The following SRRM2 variants were observed in gnomAD, a reference collection of about 807,000 sequenced individuals.
SRRM2 encodes serine/arginine repetitive matrix protein 2.
In SRRM2, 30 loss-of-function variants were observed where a neutral mutation model predicts 213.8. The observed-to-expected ratio is 0.14, with a 90% CI of 0.10 to 0.19. The LOEUF is 0.19. Among genes scored for constraint, SRRM2 ranks in the 10% least tolerant of loss-of-function variants. SRRM2 has a pLI of 1.00. For missense variants in SRRM2, 4,904 were observed against 3,647.0 expected, an observed-to-expected ratio of 1.34 and a Z score of -8.88; for synonymous variants, 2,025 against 1,377.7, an observed-to-expected ratio of 1.47 and a Z score of -10.40.
Position 2,766,289 on chromosome 16 carries a change from A to C in SRRM2, c.5761A>C (p.Arg1921=), listed in dbSNP as rs759653883. The change falls in exon 11 of 15, where the codon AGG becomes CGG. Residue 1921 remains arginine, a synonymous_variant. Coordinates refer to ENST00000301740, the MANE Select transcript of SRRM2 (RefSeq NM_016333.4). The surrounding 1 kb of genome is among the most constrained non-coding windows in gnomAD (Gnocchi z 7.0). The part of the protein sequence containing the change: ...SRSRASPVSR[R]RSRSRTPPVT... ...GTCAAGAGCATCCCCAGTGAGCAGA[A>C]GGCGATCCAGATCCAGAACGCCACC... is the stretch of plus-strand genomic sequence containing the variant. 3 of 1,614,040 alleles carry C rather than the reference A, an allele frequency of 1.9e-6. No homozygotes were observed. The highest frequency in any genetic ancestry group is 2.5e-6 in the Non-Finnish European group (3 of 1,180,022).
rs928223328 is a variant in SRRM2, at chr16:2,769,346, C to T, written c.8021+62C>T. 4.0e-6 allele frequency: 6 copies of T among 1,510,774 alleles called. No individual in the cohort carries two copies. The African/African-American group carries it at 5.6e-5, about 14-fold the overall frequency. The allele number at this position is 1,510,774 out of a possible 1,614,324, so 93.6% of individuals were successfully genotyped here. ...GGGAGTGACTTGTCCAGAGAAGGGG[C>T]CCTGGGGTGTGAGCTCCCCGCTGGG... is the stretch of plus-strand genomic sequence containing the variant. On this transcript the variant is annotated intron_variant, in intron 12 of 14. Coordinates refer to ENST00000301740, the MANE Select transcript of SRRM2 (RefSeq NM_016333.4).
At position 2,765,265 on chromosome 16, in the gene SRRM2, T is replaced by C. The variant is rs751981732; in HGVS notation, c.4737T>C (p.Ser1579=). Residue 1579 remains serine, a synonymous_variant, in exon 11 of 15, where the codon TCT becomes TCC. Transcript: ENST00000301740. ...CCCCACTTCGGCAGAGGAGTCGGTC[T>C]GGATCATCTCCAGAGGTTGACAGCA... The part of the protein sequence containing the change: ...TRTPLRQRSR[S]GSSPEVDSKS... The C allele has an allele frequency of 1.2e-6, 2 of 1,613,954 alleles. No individual in the cohort carries two copies. Among genetic ancestry groups the C allele is most frequent in the Admixed American group, 3.3e-5 (2 of 60,010 alleles).
chr16:2,769,603 C>T (rs956623168), intron 12 of SRRM2: 2 of 617,634 alleles, frequency 3.2e-6, no homozygotes, highest in Admixed American at 2.1e-5. Context: ...TGGCCACCAT[C>T]ATCTTCTCCC....
At chr16:2,769,635 C>T (rs1284390721) in intron 12 of SRRM2, 1 of 574,042 alleles carries the variant, frequency 1.7e-6, no homozygotes, top group Non-Finnish European at 3.3e-6. Context: ...CAGCCTCCTC[C>T]CTGTCTCCCC....
In SRRM2 at chr16:2,764,382, A is replaced by T; in HGVS notation, c.3854A>T (p.Asp1285Val). The T allele has an allele frequency of 6.2e-7, 1 of 1,614,116 alleles. No individual in the cohort carries two copies. The highest frequency in any genetic ancestry group is 8.5e-7 in the Non-Finnish European group (1 of 1,180,024). Residue 1285 changes from aspartate (D) to valine (V), a missense_variant, in exon 11 of 15, where the codon GAT becomes GTT. Physicochemically the swap from Asp to Val is radical, Grantham distance 152 (BLOSUM62 -3). Transcript: ENST00000301740. ...EERPAVSLTL[D>V]QSQSQASLEA... ...AGGCCTGCTGTGTCTTTGACTCTTG[A>T]TCAGAGCCAGTCACAGGCTTCTTTG...
Position 2,756,327 on chromosome 16 carries a change from C to T in SRRM2, c.-31-7C>T. On this transcript the variant is annotated splice_polypyrimidine_tract_variant and splice_region_variant and intron_variant, in intron 1 of 14. Coordinates refer to ENST00000301740, the MANE Select transcript of SRRM2 (RefSeq NM_016333.4). ...GGCCTGACCCGTGTCTCCCCGCTCC[C>T]CCTCAGGAGCGGTGGTGCCCCCCCC... The T allele has an allele frequency of 6.4e-7, 1 of 1,556,016 alleles. No homozygotes were observed. Among genetic ancestry groups the T allele is most frequent in the East Asian group, 2.3e-5 (1 of 43,200 alleles).
Position 2,766,927 on chromosome 16 carries a change from T to C in SRRM2, c.6399T>C (p.Pro2133=). 1.2e-6 allele frequency: 2 copies of C among 1,614,120 alleles called. No individual in the cohort carries two copies. The highest frequency in any genetic ancestry group is 1.1e-5 in the South Asian group (1 of 91,088). The part of the protein sequence containing the change: ...SPTPLDRCRS[P]GMLEPLGSSR... ...CACCTCTTGATCGCTGCAGATCACC[T>C]GGAATGCTTGAACCCCTTGGCAGCT... is the stretch of plus-strand genomic sequence containing the variant. The change falls in exon 11 of 15, where the codon CCT becomes CCC. Residue 2133 remains proline (P), a synonymous_variant. Coordinates refer to ENST00000301740, the MANE Select transcript of SRRM2 (RefSeq NM_016333.4). The surrounding 1 kb of genome is among the most constrained non-coding windows in gnomAD (Gnocchi z 7.0).
chr16:2,763,719 C>T lies in SRRM2; in HGVS notation c.3191C>T (p.Ser1064Leu), dbSNP rs771252293. 1.1e-5 allele frequency: 17 copies of T among 1,614,070 alleles called. No individual in the cohort carries two copies. The highest frequency in any genetic ancestry group is 1.4e-5 in the Non-Finnish European group (16 of 1,180,048). Residue 1064 changes from serine to leucine, a missense_variant, in exon 11 of 15, where the codon TCA (serine) becomes TTA (leucine). Transcript: ENST00000301740. ...SLQLKGQSQTSPDHRSDTSSP... is the reference protein window; with the variant it reads ...SLQLKGQSQTLPDHRSDTSSP... The stretch of plus-strand genomic sequence containing the variant: ...CAACTGAAAGGACAATCTCAAACTT[C>T]ACCAGACCACAGATCTGATACTTCA...
chr16:2,768,495 G>A (rs754934059), intron 11 of SRRM2: 27 of 686,302 alleles, frequency 3.9e-5, no homozygotes, highest in Admixed American at 2.1e-4. Flanking sequence ...TAAGTTTTCC[G>A]TCTCTACAGA....
rs770927721 is a variant in SRRM2 at position 2,764,759 on chromosome 16, C to G, written c.4231C>G (p.Pro1411Ala). 6.2e-7 allele frequency: 1 copy of G among 1,614,128 alleles called. No individual in the cohort carries two copies. Among genetic ancestry groups the G allele is most frequent in the Non-Finnish European group, 8.5e-7 (1 of 1,180,014 alleles). ...SISSPVLDAV[P>A]RTPSRERSSS... ...CTCTTCACCTGTGCTTGATGCTGTA[C>G]CCAGAACACCCTCGAGAGAAAGAAG... Residue 1411 changes from proline to alanine, a missense_variant, in exon 11 of 15, where the codon CCC (proline) becomes GCC (alanine). Physicochemically the swap from Pro to Ala is conservative, Grantham distance 27. Coordinates refer to ENST00000301740, the MANE Select transcript of SRRM2 (RefSeq NM_016333.4).
At chr16:2,759,693 A>C in intron 9 of SRRM2, 32 bp downstream of exon 9, 1 of 1,576,800 alleles carries the variant, frequency 6.3e-7, no homozygotes, top group South Asian at 1.1e-5. Flanking sequence ...AGGGAGGGAG[A>C]GGGAATGATG....
Position 2,764,700 on chromosome 16 carries a change from T to G in SRRM2, c.4172T>G (p.Val1391Gly). 6.2e-7 allele frequency: 1 copy of G among 1,614,080 alleles called. No individual in the cohort carries two copies. The highest frequency in any genetic ancestry group is 8.5e-7 in the Non-Finnish European group (1 of 1,180,032). ...HSSSELSPDA[V>G]EKAGMSSNQS... ...AGTTCTGAGTTATCCCCAGATGCAG[T>G]GGAAAAGGCAGGGATGTCTTCAAAT... is the stretch of plus-strand genomic sequence containing the variant. The change falls in exon 11 of 15, where the codon GTG becomes GGG. Residue 1391 changes from valine (V) to glycine (G), a missense_variant. Transcript: ENST00000301740.
At chr16:2,770,535 T>G in intron 13 of SRRM2, 69 bp from the exon 14 acceptor site, 1 of 1,556,786 alleles carries the variant, frequency 6.4e-7, no homozygotes, top group South Asian at 1.2e-5. Context: ...GAAGAAAGCT[T>G]TGCGGTTGTG....
chr16:2,761,556 C>T lies in SRRM2; in HGVS notation c.1033-5C>T, dbSNP rs375608341. On this transcript the variant is annotated splice_polypyrimidine_tract_variant and splice_region_variant and intron_variant, in intron 10 of 14. Transcript: ENST00000301740. ...CCCTATCCCTGCTCTCTCTTCCACT[C>T]TTAGAAATCTGCAACTCGACCTAGC... 2.0e-5 allele frequency: 30 copies of T among 1,501,898 alleles called. No homozygotes were observed. The highest frequency in any genetic ancestry group is 2.8e-5 in the African/African-American group (2 of 71,316). The allele number at this position is 1,501,898 out of a possible 1,614,324, so 93.0% of individuals were successfully genotyped here. A position where few individuals can be genotyped will look rare whatever the true frequency, so the allele number is the denominator to read the frequency against.
In SRRM2 at chr16:2,763,374, G is replaced by C. The variant is rs773818897; in HGVS notation, c.2846G>C (p.Arg949Pro). Reference sequence around the variant, plus strand: ...GTGACGTCGAGAACAACTCCACGGCGAAGCAGATCAGTATCTCCCTGCTCC... The same window carrying C: ...GTGACGTCGAGAACAACTCCACGGCCAAGCAGATCAGTATCTCCCTGCTCC... The part of the protein sequence containing the change: ...SRVTSRTTPR[R>P]SRSVSPCSNV... The change falls in exon 11 of 15, where the codon CGA (arginine) becomes CCA (proline). Residue 949 changes from arginine (R) to proline (P), a missense_variant. Transcript: ENST00000301740. 2.5e-6 allele frequency: 4 copies of C among 1,614,172 alleles called. No individual in the cohort carries two copies. In the South Asian group the frequency reaches 4.4e-5, roughly 18 times the overall value.
chr16:2,768,023 C>A lies in SRRM2; in HGVS notation c.7495C>A (p.Pro2499Thr), dbSNP rs910917322. 8 of 1,614,088 alleles carry A rather than the reference C, an allele frequency of 5.0e-6. No individual in the cohort carries two copies. Among genetic ancestry groups the A allele is most frequent in the Middle Eastern group, 1.6e-4 (1 of 6,084 alleles). The change falls in exon 11 of 15, where the codon CCT becomes ACT. Residue 2499 changes from proline to threonine, a missense_variant. By Grantham distance (38) the Pro-to-Thr change is conservative (BLOSUM62 -1). Coordinates refer to ENST00000301740, the MANE Select transcript of SRRM2 (RefSeq NM_016333.4). The stretch of plus-strand genomic sequence containing the variant: ...CAATGGCATGCTCTCTGTCCCTGCC[C>A]CTGGGGTGCCCCACTCTGATGTGGG... ...DHNGMLSVPA[P>T]GVPHSDVGEP...
Position 2,770,616 on chromosome 16 carries a change from G to A in SRRM2, c.8148G>A (p.Glu2716=). Residue 2716 remains glutamate (E), a synonymous_variant, in exon 14 of 15, where the codon GAG becomes GAA. Transcript: ENST00000301740. ...SPRDQQSSSS[E]RGSRRGQRGD... ...TCCTGTGTTGCAGCAGCAGCAGTGAGCGGGGTTCCCGGAGAGGCCAGCGTG... is the reference window on the plus strand; with the variant it reads ...TCCTGTGTTGCAGCAGCAGCAGTGAACGGGGTTCCCGGAGAGGCCAGCGTG... The A allele has an allele frequency of 6.4e-7, 1 of 1,552,938 alleles. No homozygotes were observed. Among genetic ancestry groups the A allele is most frequent in the African/African-American group, 1.4e-5 (1 of 73,278 alleles).
At position 2,764,403 on chromosome 16, in the gene SRRM2, C is replaced by T. The variant is rs1376126222; in HGVS notation, c.3875C>T (p.Ser1292Phe). The T allele has an allele frequency of 2.5e-6, 4 of 1,613,382 alleles. No individual in the cohort carries two copies. The highest frequency in any genetic ancestry group is 1.7e-5 in the Admixed American group (1 of 59,848). The change falls in exon 11 of 15, where the codon TCT becomes TTT. Residue 1292 changes from serine (S) to phenylalanine (F), a missense_variant. Transcript: ENST00000301740. ...CTTGATCAGAGCCAGTCACAGGCTT[C>T]TTTGGAAGCAGTAGAAGTCCCTTCA... ...LTLDQSQSQASLEAVEVPSMA... is the reference protein window; with the variant it reads ...LTLDQSQSQAFLEAVEVPSMA...
At position 2,765,122 on chromosome 16, in the gene SRRM2, C is replaced by T; in HGVS notation, c.4594C>T (p.Pro1532Ser). The change falls in exon 11 of 15, where the codon CCC becomes TCC. Residue 1532 changes from proline (P) to serine (S), a missense_variant. Pro to Ser is a moderately conservative substitution (Grantham distance 74). Coordinates refer to ENST00000301740, the MANE Select transcript of SRRM2 (RefSeq NM_016333.4). ...TGATCAGAAAACTGTGGCTCGGACT[C>T]CCCTGGGGCAGAGAAGTCGTTCGGG... is the stretch of plus-strand genomic sequence containing the variant. ...SVDQKTVART[P>S]LGQRSRSGSS... is the part of the protein sequence containing the mutation. 6.2e-7 allele frequency: 1 copy of T among 1,614,152 alleles called. No individual in the cohort carries two copies. The highest frequency in any genetic ancestry group is 8.5e-7 in the Non-Finnish European group (1 of 1,180,036).
Sources: allele counts gnomAD v4.1 joint callset, GRCh38; gene constraint gnomAD v4.1.1; non-coding constraint Gnocchi (gnomAD v3.1); transcripts MANE v1.5; gene names NCBI Gene and HGNC (gene_info 2026-07-23, HGNC 2026-07-21).